The following ALDH16A1 variants were observed in gnomAD, a reference collection of about 807,000 sequenced individuals.
The protein encoded by ALDH16A1 is aldehyde dehydrogenase family 16 member A1.
A neutral mutation model predicts 96.1 loss-of-function variants in ALDH16A1; 88 were observed. The observed-to-expected ratio is 0.92, with a 90% CI of 0.77 to 1.09. The LOEUF (loss-of-function observed/expected upper bound fraction) is 1.09, where lower values mean the gene tolerates loss of function less well. ALDH16A1 is among the 50% of genes least tolerant of loss of function. ALDH16A1 has a pLI of 0.00. For synonymous variants in ALDH16A1, 522 were observed against 496.4 expected, an observed-to-expected ratio of 1.05 and a Z score of -0.69; for missense variants, 1,250 against 1,112.6, an observed-to-expected ratio of 1.12 and a Z score of -1.76.
chr19:49,460,303 A>C (rs2079130983), intron 4 of ALDH16A1, among the ~76,000 whole-genome samples: 1 of 151,380 alleles, frequency 6.6e-6, no homozygotes, highest in South Asian at 2.1e-4. Flanking sequence ...ACAGTGGTGC[A>C]ATTATAGCTC....
chr19:49,461,587 T>A (rs757069879), intron 5 of ALDH16A1, 32 bp from the exon 6 acceptor site: 2 of 1,501,210 alleles, frequency 1.3e-6, no homozygotes, highest in Non-Finnish European at 1.8e-6. Flanking sequence ...GGGCCTGGAC[T>A]CCTGGGCCTT....
chr19:49,464,885 T>C, intron 12 of ALDH16A1, 123 bp downstream of exon 12: 1 of 1,462,462 alleles, frequency 6.8e-7, no homozygotes, highest in South Asian at 1.2e-5. Context: ...TCCTGCTGAG[T>C]ACCACGTTGT....
rs2079177890 is a variant in ALDH16A1 at position 49,464,184 on chromosome 19, G to A, written c.1252G>A (p.Val418Met). The change falls in exon 10 of 17, where the codon GTG becomes ATG. Residue 418 changes from valine (V) to methionine (M), a missense_variant. Physicochemically the swap from Val to Met is conservative, Grantham distance 21. Coordinates refer to ENST00000293350, the MANE Select transcript of ALDH16A1 (RefSeq NM_153329.4). ...PFRTAKEALLVANGTPRGGSA... is the reference protein window; with the variant it reads ...PFRTAKEALLMANGTPRGGSA... Reference sequence around the variant, plus strand: ...CCGCACAGCCAAGGAGGCACTGTTGGTGGCCAACGGGACGCCCCGCGGGGG... The same window carrying A: ...CCGCACAGCCAAGGAGGCACTGTTGATGGCCAACGGGACGCCCCGCGGGGG... 1.2e-6 allele frequency: 2 copies of A among 1,608,112 alleles called. No individual in the cohort carries two copies. The highest frequency in any genetic ancestry group is 1.7e-6 in the Non-Finnish European group (2 of 1,179,546).
rs370604251 is a variant in ALDH16A1, at chr19:49,464,261, T to C, written c.1329T>C (p.Tyr443=). ...TGGGGCAGGCGCTGGAGCTGGGCTA[T>C]GGGTCAGTCTGCGTGGCCCGGGCGC... ...ERLGQALELG[Y]GLQVGTVWIN... The change falls in exon 10 of 17, where the codon TAT becomes TAC. Residue 443 remains tyrosine (Y), a splice_region_variant and synonymous_variant. Transcript: ENST00000293350. 7.5e-6 allele frequency: 12 copies of C among 1,601,364 alleles called. No individual in the cohort carries two copies. The African/African-American group carries it at 1.3e-4, about 18-fold the overall frequency.
intron 1 of ALDH16A1, 52 bp downstream of exon 1, chr19:49,453,473 C>T (rs553869074): frequency 2.2e-5 from 33 of 1,466,864 alleles, no homozygotes; most frequent in Non-Finnish European, 2.9e-5. Context: ...GGCCTGGGCG[C>T]CCGGTTTTTC....
chr19:49,461,630 G>A lies in ALDH16A1; in HGVS notation c.589G>A (p.Val197Met). ...CCCCACTTCCCCAGGCTGCACCGTGGTGGCCCTCGTGCCCCCGGCCTCCCC... is the reference window on the plus strand; with the variant it reads ...CCCCACTTCCCCAGGCTGCACCGTGATGGCCCTCGTGCCCCCGGCCTCCCC... Reference protein sequence around the residue: ...CPALAVGCTVVALVPPASPAP... With the variant: ...CPALAVGCTVMALVPPASPAP... The change falls in exon 6 of 17, where the codon GTG (valine) becomes ATG (methionine). Residue 197 changes from valine to methionine, a missense_variant. Physicochemically the swap from Val to Met is conservative, Grantham distance 21. Coordinates refer to ENST00000293350, the MANE Select transcript of ALDH16A1 (RefSeq NM_153329.4). The A allele has an allele frequency of 6.3e-7, 1 of 1,592,386 alleles. No individual in the cohort carries two copies. Among genetic ancestry groups the A allele is most frequent in the Non-Finnish European group, 8.5e-7 (1 of 1,170,494 alleles).
rs1340970365 is a variant in ALDH16A1, at chr19:49,459,435, CA to C, written c.321-233del. On this transcript the variant is annotated intron_variant, in intron 3 of 16. Transcript: ENST00000293350. The surrounding 1 kb of genome is among the most constrained non-coding windows in gnomAD (Gnocchi z 4.1). ...GCAATTGAGGTTAGAAGCTAAGACT[CA>C]ATTTCCCAAAAGCTTCAGGGATTTC... 3.3e-5 allele frequency among the ~76,000 whole-genome samples: 5 copies of C among 152,176 alleles called. No homozygotes were observed. The highest frequency in any genetic ancestry group is 5.9e-5 in the Non-Finnish European group (4 of 68,044).
Position 49,463,942 on chromosome 19 carries a change from A to C in ALDH16A1, c.1187A>C (p.Gln396Pro). The change falls in exon 9 of 17, where the codon CAG becomes CCG. Residue 396 changes from glutamine (Q) to proline (P), a missense_variant. Physicochemically the swap from Gln to Pro is moderately conservative, Grantham distance 76. Coordinates refer to ENST00000293350, the MANE Select transcript of ALDH16A1 (RefSeq NM_153329.4). ...CTGCCCCCAGCCTCCCCATGTGCCC[A>C]GGTGGAGGTGAGACCCTTAAGGCTG... Reference protein sequence around the residue: ...SNLPPASPCAQVEVPWPVVVA... With the variant: ...SNLPPASPCAPVEVPWPVVVA... 3 of 1,608,900 alleles carry C rather than the reference A, an allele frequency of 1.9e-6. No individual in the cohort carries two copies. The highest frequency in any genetic ancestry group is 2.5e-6 in the Non-Finnish European group (3 of 1,177,276).
chr19:49,468,785 C>T lies in ALDH16A1; in HGVS notation c.2125-79C>T. 6.6e-7 allele frequency: 1 copy of T among 1,526,412 alleles called. No individual in the cohort carries two copies. Among genetic ancestry groups the T allele is most frequent in the African/African-American group, 1.4e-5 (1 of 73,222 alleles). The allele number at this position is 1,526,412 out of a possible 1,614,324, so 94.6% of individuals were successfully genotyped here. On this transcript the variant is annotated intron_variant, in intron 15 of 16. Coordinates refer to ENST00000293350, the MANE Select transcript of ALDH16A1 (RefSeq NM_153329.4). The surrounding 1 kb of genome is among the most constrained non-coding windows in gnomAD (Gnocchi z 4.4). ...TCCATGACCCCCCATCCCCTTCCCT[C>T]CCATGGGCACCCCCTGAATGCCCAC... is the stretch of plus-strand genomic sequence containing the variant.
Position 49,459,618 on chromosome 19 carries a change from C to G in ALDH16A1, c.321-52C>G. On this transcript the variant is annotated intron_variant, in intron 3 of 16. Coordinates refer to ENST00000293350, the MANE Select transcript of ALDH16A1 (RefSeq NM_153329.4). This position sits in a 1 kb window ranked among gnomAD's most constrained non-coding sequence, Gnocchi z 4.1. ...AGGTATATAGGAGCAGCCCAGGACT[C>G]TGCAAGGCTGAGGGCCGTTGGAAAA... is the stretch of plus-strand genomic sequence containing the variant. 1 of 1,555,934 alleles carries G rather than the reference C, an allele frequency of 6.4e-7. No homozygotes were observed. The highest frequency in any genetic ancestry group is 8.7e-7 in the Non-Finnish European group (1 of 1,152,642).
chr19:49,453,434 C>T lies in ALDH16A1; in HGVS notation c.90+13C>T. Reference sequence around the variant, plus strand: ...CGCATGCGCACTGGTGAGAGTCTGCCCGGCCGGCGCTGCTCGCTGCGTTCC... The same window carrying T: ...CGCATGCGCACTGGTGAGAGTCTGCTCGGCCGGCGCTGCTCGCTGCGTTCC... On this transcript the variant is annotated intron_variant, in intron 1 of 16. Coordinates refer to ENST00000293350, the MANE Select transcript of ALDH16A1 (RefSeq NM_153329.4). 6.6e-7 allele frequency: 1 copy of T among 1,518,380 alleles called. No homozygotes were observed. The highest frequency in any genetic ancestry group is 8.9e-7 in the Non-Finnish European group (1 of 1,128,290). 94.1% of individuals were successfully genotyped at this position (1,518,380 alleles called of 1,614,324 possible).
chr19:49,470,806 A>C lies in ALDH16A1; in HGVS notation c.*339A>C. ...TGGGGCCACAGACATGCACCACCACACCTGGCTCGAGGCCATTTTAGTTCT... is the reference window on the plus strand; with the variant it reads ...TGGGGCCACAGACATGCACCACCACCCCTGGCTCGAGGCCATTTTAGTTCT... On this transcript the variant is annotated 3_prime_UTR_variant, in exon 17 of 17. Coordinates refer to ENST00000293350, the MANE Select transcript of ALDH16A1 (RefSeq NM_153329.4). 5.1e-6 allele frequency: 1 copy of C among 196,624 alleles called. No individual in the cohort carries two copies. Among genetic ancestry groups the C allele is most frequent in the Non-Finnish European group, 1.0e-5 (1 of 96,824 alleles). 12.2% of individuals were successfully genotyped at this position (196,624 alleles called of 1,614,324 possible).
At chr19:49,462,108 C>T (rs969810640) in intron 7 of ALDH16A1, 72 bp downstream of exon 7, 13 of 1,435,498 alleles carry the variant, frequency 9.1e-6, no homozygotes, top group Middle Eastern at 1.8e-4. Context: ...TTCGGGGTCC[C>T]GAGTCTCTGT....
At chr19:49,462,477 G>C in intron 7 of ALDH16A1, 93 bp from the exon 8 acceptor site, 1 of 1,423,198 alleles carries the variant, frequency 7.0e-7, no homozygotes, top group East Asian at 2.3e-5. Flanking sequence ...GAGTGTCCAT[G>C]TCCCTAGTTT....
At chr19:49,463,012 A>G (rs1442437415) in intron 8 of ALDH16A1, among the ~76,000 whole-genome samples, 2 of 38,386 alleles carry the variant, frequency 5.2e-5, no homozygotes, top group Non-Finnish European at 4.8e-5. Flanking sequence ...CTGAGGGAGG[A>G]GGGGCTGGGC....
In ALDH16A1 at chr19:49,453,387, A is replaced by C. The variant is rs142277700; in HGVS notation, c.56A>C (p.Tyr19Ser). 2.6e-6 allele frequency: 4 copies of C among 1,565,136 alleles called. No homozygotes were observed. Among genetic ancestry groups the C allele is most frequent in the South Asian group, 1.2e-5 (1 of 85,694 alleles). ...CGCGAGATCTTCACCTCGCTGGAGT[A>C]CGGACCGGTGCCGGAGAGCCACGCA... ...RAREIFTSLE[Y>S]GPVPESHACA... is the part of the protein sequence containing the mutation. The change falls in exon 1 of 17, where the codon TAC becomes TCC. Residue 19 changes from tyrosine to serine, a missense_variant. By Grantham distance (144) the Tyr-to-Ser change is moderately radical. Transcript: ENST00000293350.
chr19:49,469,213 G>T, intron 16 of ALDH16A1: 2 of 499,996 alleles, frequency 4.0e-6, no homozygotes, highest in Non-Finnish European at 6.8e-6. Context: ...CGTCTCAGGG[G>T]ACAGCCCGTT....
rs560765187 is a variant in ALDH16A1 at position 49,465,466 on chromosome 19, C to G, written c.1569-272C>G. On this transcript the variant is annotated intron_variant, in intron 12 of 16. Coordinates refer to ENST00000293350, the MANE Select transcript of ALDH16A1 (RefSeq NM_153329.4). ...TCATGGGAGCAGAAACTTGAGTCAT[C>G]CAGAGGCTCATGGGAGCAGGAATTT... Among the ~76,000 whole-genome samples, 33 of 150,394 alleles carry G rather than the reference C, an allele frequency of 2.2e-4. No homozygotes were observed. In the East Asian group the frequency reaches 2.6e-3, roughly 12 times the overall value.
Position 49,465,783 on chromosome 19 carries a change from T to TC in ALDH16A1, c.1616dup (p.Gly540TrpfsTer21). 2 of 1,614,070 alleles carry TC rather than the reference T, an allele frequency of 1.2e-6. No homozygotes were observed. Among genetic ancestry groups the TC allele is most frequent in the Non-Finnish European group, 1.7e-6 (2 of 1,179,992 alleles). On this transcript the variant is annotated frameshift_variant, in exon 13 of 17. Coordinates refer to ENST00000293350, the MANE Select transcript of ALDH16A1 (RefSeq NM_153329.4). LOFTEE classifies it high-confidence loss of function. ...TCTTCGTTGGGGGCCGTTTCCAGGCTCCTGGGGCCCGAAGCTCCAGGCCCA... is the reference window on the plus strand; with the variant it reads ...TCTTCGTTGGGGGCCGTTTCCAGGCTCCCTGGGGCCCGAAGCTCCAGGCCCA...
Sources: allele counts gnomAD v4.1 joint callset (sites outside exome capture counted in the v4.1 genomes callset), GRCh38; gene constraint gnomAD v4.1.1; non-coding constraint Gnocchi (gnomAD v3.1); transcripts MANE v1.5; gene names NCBI Gene and HGNC (gene_info 2026-07-23, HGNC 2026-07-21).